Variants in STARD13 observed in about 807,000 individuals in gnomAD.
The protein encoded by STARD13 is StAR related lipid transfer domain containing 13.
STARD13 carries 62 observed loss-of-function variants against 106.4 expected under a neutral mutation model. That is an observed-to-expected ratio of 0.58 (90% CI 0.48 to 0.72). STARD13 has a LOEUF of 0.72. STARD13 is among the 30% of genes least tolerant of loss of function. The probability of loss-of-function intolerance (pLI) is 0.00; values close to 1 mark genes in which losing one functional copy is unlikely to be tolerated. For synonymous variants in STARD13, 565 were observed against 553.0 expected, an observed-to-expected ratio of 1.02 and a Z score of -0.31; for missense variants, 1,387 against 1,424.0, an observed-to-expected ratio of 0.97 and a Z score of 0.42.
the STARD13 span, among the ~76,000 whole-genome samples, chr13:33,574,854 T>A: frequency 1.3e-5 from 2 of 151,926 alleles, no homozygotes; most frequent in African/African-American, 4.8e-5. Context: ...TTAAATAGCA[T>A]AATTTGTTGT....
chr13:33,655,018 T>A, the STARD13 span, among the ~76,000 whole-genome samples: 1 of 152,220 alleles, frequency 6.6e-6, no homozygotes, highest in Non-Finnish European at 1.5e-5. Flanking sequence ...GGAGGTGTGT[T>A]AAGAACTAGA....
At chr13:33,206,058 GT>G in intron 1 of STARD13, 1 of 981,900 alleles carries the variant, frequency 1.0e-6, no homozygotes, top group Non-Finnish European at 1.2e-6. Flanking sequence ...TTTGAGGTTG[GT>G]TTTGGCCCCG....
At chr13:33,223,095 T>C (rs1459439825) in intron 1 of STARD13, among the ~76,000 whole-genome samples, 1 of 152,238 alleles carries the variant, frequency 6.6e-6, no homozygotes, top group African/African-American at 2.4e-5. Flanking sequence ...TAAGATCTGA[T>C]AGTCAGCTGA....
the STARD13 span, among the ~76,000 whole-genome samples, chr13:33,416,737 T>G: frequency 6.6e-6 from 1 of 152,160 alleles, no homozygotes; most frequent in Non-Finnish European, 1.5e-5. Context: ...ACTACAAGAC[T>G]CTTAGAAGAA....
At chr13:33,308,485 TTTC>T (rs1892999073) in intron 1 of STARD13, among the ~76,000 whole-genome samples, 1 of 151,572 alleles carries the variant, frequency 6.6e-6, no homozygotes, top group East Asian at 1.9e-4. Flanking sequence ...CTAATTTCTT[TTTC>T]TTTTCTTCCT....
the STARD13 span, among the ~76,000 whole-genome samples, chr13:33,466,010 T>C: frequency 6.6e-6 from 1 of 152,180 alleles, no homozygotes; most frequent in Non-Finnish European, 1.5e-5. Context: ...ACTGAGGAAC[T>C]CTTATCTCTC....
At chr13:33,506,046 A>G in the STARD13 span, among the ~76,000 whole-genome samples, 1 of 152,176 alleles carries the variant, frequency 6.6e-6, no homozygotes, top group African/African-American at 2.4e-5. Flanking sequence ...AACTGTACCC[A>G]TAGTCACTGT....
At chr13:33,675,719 A>G in the STARD13 span, among the ~76,000 whole-genome samples, 11,811 of 152,254 alleles carry the variant, frequency 0.078, 923 homozygotes, top group East Asian at 0.25. Context: ...GGAGAGTAGG[A>G]ACATGTGGAC....
the STARD13 span, among the ~76,000 whole-genome samples, chr13:33,466,880 A>C: frequency 0.32 from 48,056 of 151,864 alleles, 8,078 homozygotes; most frequent in Non-Finnish European, 0.39. Context: ...CTTTAAAGCC[A>C]CAAAGAAATT....
the STARD13 span, among the ~76,000 whole-genome samples, chr13:33,653,201 G>A: frequency 6.6e-6 from 1 of 152,270 alleles, no homozygotes; most frequent in South Asian, 2.1e-4. Context: ...AGAAATTCAA[G>A]TGATACAGAA....
At chr13:33,383,538 G>A in the STARD13 span, 1 of 151,688 alleles carries the variant, frequency 6.6e-6, no homozygotes, top group Non-Finnish European at 1.5e-5. Flanking sequence ...AAGATCAGAA[G>A]TTTGAGACCA....
At chr13:33,668,508 C>T in the STARD13 span, among the ~76,000 whole-genome samples, 1 of 152,116 alleles carries the variant, frequency 6.6e-6, no homozygotes, top group Non-Finnish European at 1.5e-5. Flanking sequence ...ACTTAAAATT[C>T]CAAGAAAAGA....
At chr13:33,404,363 C>T in the STARD13 span, among the ~76,000 whole-genome samples, 6 of 151,958 alleles carry the variant, frequency 3.9e-5, no homozygotes, top group Non-Finnish European at 1.5e-5. Context: ...CAAGAAAAAG[C>T]AAAATAAAAT....
At chr13:33,392,153 G>T in the STARD13 span, among the ~76,000 whole-genome samples, 11 of 151,988 alleles carry the variant, frequency 7.2e-5, no homozygotes, top group Admixed American at 3.3e-4. Flanking sequence ...ATGCACAGAG[G>T]GCCCCTAGGG....
At chr13:33,589,770 A>T in the STARD13 span, among the ~76,000 whole-genome samples, 1 of 152,164 alleles carries the variant, frequency 6.6e-6, no homozygotes, top group African/African-American at 2.4e-5. Context: ...AAGAATGTAT[A>T]TTCTGTTGAT....
the STARD13 span, among the ~76,000 whole-genome samples, chr13:33,455,561 G>A: frequency 3.3e-5 from 5 of 152,160 alleles, no homozygotes; most frequent in South Asian, 4.1e-4. Flanking sequence ...ACAAGAGCCT[G>A]CCAGCTAAAT....
At chr13:33,338,212 A>G (rs2077918375) in intron 1 of STARD13, among the ~76,000 whole-genome samples, 1 of 152,234 alleles carries the variant, frequency 6.6e-6, no homozygotes, top group Non-Finnish European at 1.5e-5. Context: ...CTCAACTATC[A>G]GACCAACCCA....
the STARD13 span, among the ~76,000 whole-genome samples, chr13:33,593,164 T>TTTTA: frequency 2.2e-3 from 341 of 152,162 alleles, 5 homozygotes; most frequent in African/African-American, 8.0e-3. Flanking sequence ...AGATGTTTAC[T>TTTTA]TTTATTTATT....
At chr13:33,114,275 T>C (rs1875044008) in intron 8 of STARD13, among the ~76,000 whole-genome samples, 1 of 152,206 alleles carries the variant, frequency 6.6e-6, no homozygotes, top group African/African-American at 2.4e-5. Flanking sequence ...GAGGGGGTCC[T>C]GGCTGGCCCC....
Sources: gnomAD v4.1 joint callset for allele counts (sites outside exome capture counted in the v4.1 genomes callset) on GRCh38, gnomAD v4.1.1 for gene constraint, MANE v1.5 for transcripts, NCBI Gene and HGNC (gene_info 2026-07-23, HGNC 2026-07-21) for gene names.